The following SH2D6 variants were observed in gnomAD, a reference collection of about 807,000 sequenced individuals.
SH2D6 encodes the protein SH2 domain-containing protein 6.
A neutral mutation model predicts 30.2 loss-of-function variants in SH2D6; 31 were observed. The ratio of observed to expected loss-of-function variants is 1.03; its 90% CI spans 0.77 to 1.38. The LOEUF (loss-of-function observed/expected upper bound fraction) is 1.38. SH2D6 is among the 40% of genes most tolerant of loss of function. The pLI is 0.00. For missense variants in SH2D6, 240 were observed against 266.8 expected (o/e 0.90, Z 0.70); for synonymous variants, 93 against 104.6 (o/e 0.89, Z 0.68).
intron 6 of SH2D6, among the ~76,000 whole-genome samples, chr2:85,428,053 G>A (rs1437524939): frequency 6.6e-6 from 1 of 152,112 alleles, no homozygotes; most frequent in African/African-American, 2.4e-5. Context: ...ATTCATGATC[G>A]TGGTCTGTGT....
In SH2D6 at chr2:85,434,120, C is replaced by T; in HGVS notation, c.533+9C>T. ...ACATCAGTGGTGCCCAGGTAAGTGC[C>T]CCACCAGGTGTGCACCTGTGTGTAT... On this transcript the variant is annotated intron_variant, in intron 17 of 23. Coordinates refer to ENST00000469800, the MANE Select transcript of SH2D6 (RefSeq NM_001394463.1). 6.5e-7 allele frequency: 1 copy of T among 1,550,078 alleles called. No individual in the cohort carries two copies. Among genetic ancestry groups the T allele is most frequent in the Non-Finnish European group, 8.7e-7 (1 of 1,146,570 alleles).
Position 85,430,972 on chromosome 2 carries a change from C to A in SH2D6, c.251-238C>A, listed in dbSNP as rs1393663397. On this transcript the variant is annotated intron_variant, in intron 12 of 23. Coordinates refer to ENST00000469800, the MANE Select transcript of SH2D6 (RefSeq NM_001394463.1). The surrounding 1 kb of genome is among the most constrained non-coding windows in gnomAD (Gnocchi z 4.3). ...CTTCTTCAGGCCAAGGGCGGGGGTG[C>A]TGGGAGAGCCCCGGCTGCCGCTGGC... Among the ~76,000 whole-genome samples the A allele has an allele frequency of 6.6e-6, 1 of 152,256 alleles. No homozygotes were observed. Among genetic ancestry groups the A allele is most frequent in the Admixed American group, 6.5e-5 (1 of 15,308 alleles).
intron 2 of SH2D6, among the ~76,000 whole-genome samples, chr2:85,420,566 A>T (rs963003780): frequency 1.3e-5 from 2 of 152,268 alleles, no homozygotes; most frequent in African/African-American, 4.8e-5. Flanking sequence ...CTGCTCCCTG[A>T]AGATCCAACC....
rs1198767681 is a variant in SH2D6, at chr2:85,434,508, G to T, written c.589+11G>T. ...ATGCTGCCTCTAAAGGTGAGTAAAG[G>T]CTGGTCCAAAGGTAGTGAGTTATCC... On this transcript the variant is annotated intron_variant, in intron 19 of 23. Coordinates refer to ENST00000469800, the MANE Select transcript of SH2D6 (RefSeq NM_001394463.1). 1.9e-6 allele frequency: 3 copies of T among 1,550,302 alleles called. No individual in the cohort carries two copies. The highest frequency in any genetic ancestry group is 2.4e-5 in the East Asian group (1 of 40,922).
intron 6 of SH2D6, among the ~76,000 whole-genome samples, chr2:85,427,248 C>T (rs574337045): frequency 2.1e-4 from 32 of 152,178 alleles, no homozygotes; most frequent in Non-Finnish European, 3.4e-4. Flanking sequence ...GACAGTGGGG[C>T]GTTATACCTT....
At position 85,436,947 on chromosome 2, in the gene SH2D6, A is replaced by C; in HGVS notation, c.*123A>C. 9.0e-6 allele frequency: 2 copies of C among 222,274 alleles called. No homozygotes were observed. The highest frequency in any genetic ancestry group is 9.0e-6 in the Non-Finnish European group (1 of 111,192). The allele number at this position is 222,274 out of a possible 1,614,324, so 13.8% of individuals were successfully genotyped here. Reference sequence around the variant, plus strand: ...CTGGAACAGCAAAGGATCCTCTCACATCTACTTGTGGGCCTAGGGCACCCT... The same window carrying C: ...CTGGAACAGCAAAGGATCCTCTCACCTCTACTTGTGGGCCTAGGGCACCCT... On this transcript the variant is annotated 3_prime_UTR_variant, in exon 24 of 24. Transcript: ENST00000469800.
At chr2:85,434,949 CG>C in intron 19 of SH2D6, 115 bp from the exon 20 acceptor site, 1 of 1,599,722 alleles carries the variant, frequency 6.3e-7, no homozygotes, top group Non-Finnish European at 8.5e-7. Flanking sequence ...GGTTTGGGCT[CG>C]GGGCCATGTA....
chr2:85,424,084 C>G (rs372069708), intron 5 of SH2D6, among the ~76,000 whole-genome samples: 1 of 152,258 alleles, frequency 6.6e-6, no homozygotes, highest in Non-Finnish European at 1.5e-5. Context: ...CTCCTGTCCC[C>G]CTATTTCCTC....
At chr2:85,423,622 T>C (rs1687836516) in intron 5 of SH2D6, among the ~76,000 whole-genome samples, 1 of 152,214 alleles carries the variant, frequency 6.6e-6, no homozygotes, top group South Asian at 2.1e-4. Flanking sequence ...CAAGAAATGA[T>C]TGTGCACCAG....
chr2:85,436,150 G>C (rs1689430414), intron 22 of SH2D6, among the ~76,000 whole-genome samples: 2 of 152,142 alleles, frequency 1.3e-5, no homozygotes, highest in South Asian at 4.1e-4. Context: ...CATTTGCTAG[G>C]ATGCAAACTA....
chr2:85,420,823 C>T (rs1176935855), intron 2 of SH2D6: 1 of 152,346 alleles, frequency 6.6e-6, no homozygotes, highest in Non-Finnish European at 1.5e-5. Flanking sequence ...TGCCCCTCCT[C>T]ACCACCAGGG....
intron 19 of SH2D6, chr2:85,434,731 A>G (rs2104944410): frequency 3.5e-6 from 5 of 1,435,904 alleles, no homozygotes; most frequent in East Asian, 2.5e-5. Flanking sequence ...TCAGGCCCCA[A>G]GTTACTGAGG....
At chr2:85,426,935 GA>G (rs1384346954) in intron 6 of SH2D6, among the ~76,000 whole-genome samples, 1 of 152,212 alleles carries the variant, frequency 6.6e-6, no homozygotes, top group Non-Finnish European at 1.5e-5. Flanking sequence ...GGTAGTGTTG[GA>G]ATTGGGTTGG....
intron 2 of SH2D6, chr2:85,420,860 T>A (rs1384110841): frequency 2.0e-5 from 3 of 152,348 alleles, no homozygotes; most frequent in Non-Finnish European, 4.4e-5. Flanking sequence ...GAACGACTGC[T>A]TAGGTCCCCA....
chr2:85,436,186 C>T (rs1303692964), intron 22 of SH2D6, among the ~76,000 whole-genome samples: 4 of 152,202 alleles, frequency 2.6e-5, no homozygotes, highest in East Asian at 1.9e-4. Context: ...CAGCTCCCCA[C>T]GCTGGAGGAC....
intron 6 of SH2D6, among the ~76,000 whole-genome samples, chr2:85,427,694 G>T (rs1396773221): frequency 6.6e-6 from 1 of 152,246 alleles, no homozygotes; most frequent in African/African-American, 2.4e-5. Context: ...TTCAAATGTG[G>T]AAGAAAGGTC....
Position 85,435,459 on chromosome 2 carries a change from G to A in SH2D6, c.695G>A (p.Arg232His), listed in dbSNP as rs775053018. 6.2e-6 allele frequency: 10 copies of A among 1,613,888 alleles called. No individual in the cohort carries two copies. Among genetic ancestry groups the A allele is most frequent in the Admixed American group, 3.3e-5 (2 of 60,014 alleles). ...CCTTGGTACTCGGGGAACTGTGACC[G>A]CTATGCTGTTGAGAGTGCCCTGCTC... is the stretch of plus-strand genomic sequence containing the variant. ...TQPWYSGNCDRYAVESALLHL... is the reference protein window; with the variant it reads ...TQPWYSGNCDHYAVESALLHL... The change falls in exon 21 of 24, where the codon CGC (arginine) becomes CAC (histidine). Residue 232 changes from arginine to histidine, a missense_variant. Arg to His is a conservative substitution (Grantham distance 29). Coordinates refer to ENST00000469800, the MANE Select transcript of SH2D6 (RefSeq NM_001394463.1).
intron 14 of SH2D6, 84 bp from the exon 15 acceptor site, chr2:85,433,015 C>T (rs1016149694): frequency 3.1e-6 from 3 of 981,730 alleles, no homozygotes; most frequent in Non-Finnish European, 3.6e-6. Context: ...CCTAAGGAGA[C>T]TCTGCTTTTT....
At chr2:85,433,251 C>T (rs894881255) in intron 15 of SH2D6, 130 bp downstream of exon 15, 5 of 664,384 alleles carry the variant, frequency 7.5e-6, no homozygotes, top group Non-Finnish European at 9.3e-6. Flanking sequence ...AGCAGGGCCC[C>T]TGCCCCTCAG....
Sources: allele counts gnomAD v4.1 joint callset (sites outside exome capture counted in the v4.1 genomes callset), GRCh38; gene constraint gnomAD v4.1.1; non-coding constraint Gnocchi (gnomAD v3.1); transcripts MANE v1.5; gene names NCBI Gene and HGNC (gene_info 2026-07-23, HGNC 2026-07-21).